The following GEMIN2 variants were observed in gnomAD, a reference collection of about 807,000 sequenced individuals.
GEMIN2 encodes gem nuclear organelle associated protein 2, also known as gem-associated protein 2.
A neutral mutation model predicts 45.8 loss-of-function variants in GEMIN2; 37 were observed. The ratio of observed to expected loss-of-function variants is 0.81; its 90% CI spans 0.62 to 1.06. The LOEUF is 1.06. Among genes scored for constraint, GEMIN2 ranks in the 50% least tolerant of loss-of-function variants. The pLI is 0.00. For synonymous variants in GEMIN2, 101 were observed against 111.5 expected (o/e 0.91, Z 0.60); for missense variants, 335 against 321.8 (o/e 1.04, Z -0.31).
chr14:39,127,014 C>G (rs1019130435), intron 6 of GEMIN2, among the ~76,000 whole-genome samples: 1 of 151,164 alleles, frequency 6.6e-6, no homozygotes, highest in African/African-American at 2.4e-5. Flanking sequence ...CCACCCGCCT[C>G]AGCCTCCCAA....
At chr14:39,128,732 G>C (rs2052679026) in intron 7 of GEMIN2, among the ~76,000 whole-genome samples, 1 of 151,662 alleles carries the variant, frequency 6.6e-6, no homozygotes, top group African/African-American at 2.4e-5. Flanking sequence ...CTTGAACTGA[G>C]TCCAAATGAT....
chr14:39,131,252 G>T (rs2052711550), intron 7 of GEMIN2, among the ~76,000 whole-genome samples: 3 of 152,082 alleles, frequency 2.0e-5, no homozygotes, highest in Admixed American at 2.0e-4. Flanking sequence ...AGCCGAGATC[G>T]CGCCATTGCA....
intron 5 of GEMIN2, among the ~76,000 whole-genome samples, chr14:39,123,785 C>T (rs1485744035): frequency 1.6e-5 from 2 of 126,380 alleles, no homozygotes; most frequent in Admixed American, 9.8e-5. Context: ...CAGTAGTGCA[C>T]TCATAGCTCA....
chr14:39,128,469 T>G, intron 7 of GEMIN2, 121 bp downstream of exon 7: 1 of 483,920 alleles, frequency 2.1e-6, no homozygotes, highest in Non-Finnish European at 3.6e-6. Context: ...TACTGCACAT[T>G]TTCTTTTTTT....
intron 8 of GEMIN2, among the ~76,000 whole-genome samples, chr14:39,132,759 A>C (rs1452018764): frequency 3.8e-5 from 5 of 131,600 alleles, no homozygotes; most frequent in Non-Finnish European, 7.8e-5. Context: ...GCTCACTGCA[A>C]CCTCCGCTTC....
intron 7 of GEMIN2, among the ~76,000 whole-genome samples, chr14:39,129,146 T>C (rs2052683756): frequency 2.0e-5 from 3 of 152,168 alleles, no homozygotes; most frequent in African/African-American, 4.8e-5. Context: ...ATGGTTTTTT[T>C]GGATGCACAA....
chr14:39,134,035 G>A (rs1594522418), intron 9 of GEMIN2: 1 of 171,018 alleles, frequency 5.8e-6, no homozygotes, highest in Non-Finnish European at 1.2e-5. Flanking sequence ...GGGCTCAAGC[G>A]ATCCTCCCAC....
At chr14:39,118,286 T>C (rs1247899580) in intron 3 of GEMIN2, among the ~76,000 whole-genome samples, 198 bp downstream of exon 3, 5 of 152,334 alleles carry the variant, frequency 3.3e-5, no homozygotes, top group Non-Finnish European at 7.3e-5. Context: ...TGTTTGTTTA[T>C]TTATTTCAAT....
Position 39,132,051 on chromosome 14 carries a change from G to A in GEMIN2, c.694G>A (p.Glu232Lys), listed in dbSNP as rs768363538. ...LIRQLARRCS[E>K]VRLLVDSKDD... ...TCGGCAGCTTGCAAGAAGGTGCTCT[G>A]AAGTGAGGCTCTTAGTGGTAAGTTG... Residue 232 changes from glutamate (E) to lysine (K), a missense_variant, in exon 8 of 10, where the codon GAA becomes AAA. By Grantham distance (56) the Glu-to-Lys change is moderately conservative. Transcript: ENST00000308317. 5.2e-6 allele frequency: 8 copies of A among 1,547,782 alleles called. No individual in the cohort carries two copies. Among genetic ancestry groups the A allele is most frequent in the Non-Finnish European group, 7.1e-6 (8 of 1,119,768 alleles).
intron 7 of GEMIN2, among the ~76,000 whole-genome samples, chr14:39,129,482 C>T (rs373960748): frequency 1.9e-3 from 285 of 152,224 alleles, no homozygotes; most frequent in Non-Finnish European, 3.2e-3. Flanking sequence ...AGCGCGATCT[C>T]GGCTCACTGC....
chr14:39,114,775 C>A lies in GEMIN2; in HGVS notation c.138-54C>A. 1.9e-6 allele frequency: 2 copies of A among 1,029,102 alleles called. 1 individual carries two copies. Among genetic ancestry groups the A allele is most frequent in the South Asian group, 2.6e-5 (2 of 77,558 alleles). The allele number at this position is 1,029,102 out of a possible 1,614,324, so 63.7% of individuals were successfully genotyped here. ...GAAGTGGATCGCTTGTTTTACTACA[C>A]CTGAGCAAAGCACAACAGAAATTTA... On this transcript the variant is annotated intron_variant, in intron 1 of 9. Transcript: ENST00000308317.
intron 2 of GEMIN2, among the ~76,000 whole-genome samples, chr14:39,117,544 G>A (rs1282894361): frequency 2.6e-5 from 4 of 152,108 alleles, no homozygotes; most frequent in Admixed American, 6.6e-5. Context: ...TCTTCTAGCT[G>A]TTTTGAAATA....
intron 6 of GEMIN2, among the ~76,000 whole-genome samples, chr14:39,127,044 T>C (rs528172077): frequency 9.8e-4 from 148 of 151,326 alleles, no homozygotes; most frequent in African/African-American, 3.1e-3. Flanking sequence ...ATTATAGGCA[T>C]GAGCCCACCG....
Position 39,123,703 on chromosome 14 carries a change from TATATA to T in GEMIN2, c.486+1161_486+1165del, listed in dbSNP as rs375952764. Among the ~76,000 whole-genome samples, 111 of 56,328 alleles carry T rather than the reference TATATA, an allele frequency of 2.0e-3. 1 individual carries two copies. Among genetic ancestry groups the T allele is most frequent in the Non-Finnish European group, 3.0e-3 (83 of 27,740 alleles). The allele number at this position is 56,328 out of a possible 152,430, so 37.0% of individuals were successfully genotyped here. A position where few individuals can be genotyped will look rare whatever the true frequency, so the allele number is the denominator to read the frequency against. On this transcript the variant is annotated intron_variant, in intron 5 of 9. Transcript: ENST00000308317. ...AAAAATAGCTATATATATATATATATATATATTTTTTTTTTTTTTTTTTTTTTTTT... is the reference window on the plus strand; with the variant it reads ...AAAAATAGCTATATATATATATATATTTTTTTTTTTTTTTTTTTTTTTTTT...
chr14:39,135,356 C>T (rs1049426164), intron 9 of GEMIN2, among the ~76,000 whole-genome samples: 8 of 152,002 alleles, frequency 5.3e-5, no homozygotes, highest in African/African-American at 1.4e-4. Context: ...GAGGCCAAGG[C>T]GGGTGGATCA....
At chr14:39,129,534 C>T (rs2052688372) in intron 7 of GEMIN2, among the ~76,000 whole-genome samples, 1 of 152,088 alleles carries the variant, frequency 6.6e-6, no homozygotes, top group Admixed American at 6.6e-5. Flanking sequence ...CTGCCTCAGC[C>T]TCCCAAGTAG....
At chr14:39,114,496 C>T in intron 1 of GEMIN2, 21 bp downstream of exon 1, 2 of 1,596,308 alleles carry the variant, frequency 1.3e-6, no homozygotes, top group Non-Finnish European at 1.7e-6. Context: ...CGGCCCTGGG[C>T]GGGTGGGCTG....
At chr14:39,116,008 A>T (rs1408531479) in intron 2 of GEMIN2, among the ~76,000 whole-genome samples, 1 of 152,142 alleles carries the variant, frequency 6.6e-6, no homozygotes, top group Non-Finnish European at 1.5e-5. Context: ...TAAATGACAG[A>T]ACTACTGTAG....
chr14:39,116,248 C>T (rs1241661699), intron 2 of GEMIN2, among the ~76,000 whole-genome samples: 1 of 151,952 alleles, frequency 6.6e-6, no homozygotes, highest in African/African-American at 2.4e-5. Flanking sequence ...GTTGGCCAGG[C>T]TGGTCTCAAA....
Sources: allele counts gnomAD v4.1 joint callset (sites outside exome capture counted in the v4.1 genomes callset), GRCh38; gene constraint gnomAD v4.1.1; transcripts MANE v1.5; gene names NCBI Gene and HGNC (gene_info 2026-07-23, HGNC 2026-07-21).